Variants in ZFHX2 observed in about 807,000 individuals in gnomAD.
The protein encoded by ZFHX2 is zinc finger homeobox 2.
In ZFHX2, 75 loss-of-function variants were observed where a neutral mutation model predicts 164.8. That is an observed-to-expected ratio of 0.46 (90% CI 0.38 to 0.55). The LOEUF is 0.55. ZFHX2 is among the 20% of genes least tolerant of loss of function. The probability of loss-of-function intolerance (pLI) is 0.00; values close to 1 mark genes in which losing one functional copy is unlikely to be tolerated. For synonymous variants in ZFHX2, 1,217 were observed against 1,351.4 expected (o/e 0.90, Z 2.18); for missense variants, 2,933 against 3,308.0 (o/e 0.89, Z 2.78).
rs1387912413 is a variant in ZFHX2, at chr14:23,551,058, C to G, written c.-50+285G>C. Among the ~76,000 whole-genome samples the G allele has an allele frequency of 6.6e-6, 1 of 152,010 alleles. No individual in the cohort carries two copies. Among genetic ancestry groups the G allele is most frequent in the Non-Finnish European group, 1.5e-5 (1 of 67,984 alleles). On this transcript the variant is annotated intron_variant, in intron 1 of 9. Transcript: ENST00000419474. The surrounding 1 kb of genome is among the most constrained non-coding windows in gnomAD (Gnocchi z 5.3). The stretch of plus-strand genomic sequence containing the variant: ...CTGTCCGGCGGGCCTCTGCCTTTCC[C>G]GTTCCCGTTTCTCCCTCCACCCCCG...
rs1595162335 is a variant in ZFHX2, at chr14:23,533,277, A to G, written c.2041+8T>C. The G allele has an allele frequency of 4.2e-6, 6 of 1,436,172 alleles. No homozygotes were observed. Among genetic ancestry groups the G allele is most frequent in the East Asian group, 2.5e-5 (1 of 40,024 alleles). The allele number at this position is 1,436,172 out of a possible 1,614,324, so 89.0% of individuals were successfully genotyped here. A position where few individuals can be genotyped will look rare whatever the true frequency, so the allele number is the denominator to read the frequency against. ...AGGAGAGAAGAGGGAAGAAGCACAGAAGCTTACCGGATGTGGGGAACTTGC... is the reference window on the plus strand; with the variant it reads ...AGGAGAGAAGAGGGAAGAAGCACAGGAGCTTACCGGATGTGGGGAACTTGC... On this transcript the variant is annotated splice_region_variant and intron_variant, in intron 2 of 9. Transcript: ENST00000419474. This position sits in a 1 kb window ranked among gnomAD's most constrained non-coding sequence, Gnocchi z 4.8.
chr14:23,523,798 C>G lies in ZFHX2; in HGVS notation c.6144G>C (p.Gly2048=), dbSNP rs532472279. The change falls in exon 9 of 10, where the codon GGG becomes GGC. Residue 2048 remains glycine, a synonymous_variant. Coordinates refer to ENST00000419474, the MANE Select transcript of ZFHX2 (RefSeq NM_033400.3). The surrounding 1 kb of genome is among the most constrained non-coding windows in gnomAD (Gnocchi z 4.1). ...LAEPESPGAG[G]TSGGPGGGTG... is the part of the protein sequence containing the mutation. Reference sequence around the variant, plus strand: ...TCCCACCTCCAGGTCCCCCACTGGTCCCTCCAGCCCCAGGGGATTCTGGTT... The same window carrying G: ...TCCCACCTCCAGGTCCCCCACTGGTGCCTCCAGCCCCAGGGGATTCTGGTT... The G allele has an allele frequency of 6.5e-7, 1 of 1,536,240 alleles. No individual in the cohort carries two copies. Among genetic ancestry groups the G allele is most frequent in the East Asian group, 2.4e-5 (1 of 40,904 alleles).
intron 5 of ZFHX2, 125 bp from the exon 6 acceptor site, chr14:23,529,893 G>T: frequency 9.3e-7 from 1 of 1,070,288 alleles, no homozygotes; most frequent in South Asian, 1.4e-5. Context: ...GATAGGTGAG[G>T]CTTGGCAAGG....
intron 1 of ZFHX2, among the ~76,000 whole-genome samples, chr14:23,539,823 C>T (rs1466231818): frequency 6.6e-6 from 1 of 152,192 alleles, no homozygotes; most frequent in African/African-American, 2.4e-5. Flanking sequence ...AAGGAGTTGG[C>T]AGGGCTAATG....
At position 23,529,888 on chromosome 14, in the gene ZFHX2, G is replaced by A. The variant is rs1377724291; in HGVS notation, c.2876-120C>T. ...AAAGGGCAGGAAACTCAGTAGATAG[G>A]TGAGGCTTGGCAAGGGCTGACTCCG... On this transcript the variant is annotated intron_variant, in intron 5 of 9. Coordinates refer to ENST00000419474, the MANE Select transcript of ZFHX2 (RefSeq NM_033400.3). 2.5e-5 allele frequency: 28 copies of A among 1,105,610 alleles called. No individual in the cohort carries two copies. The East Asian group carries it at 5.4e-4, about 21-fold the overall frequency. 68.5% of individuals were successfully genotyped at this position (1,105,610 alleles called of 1,614,324 possible).
chr14:23,523,752 C>T lies in ZFHX2; in HGVS notation c.6190G>A (p.Gly2064Arg), dbSNP rs1428647042. Residue 2064 changes from glycine (G) to arginine (R), a missense_variant, in exon 9 of 10, where the codon GGG becomes AGG. Physicochemically the swap from Gly to Arg is moderately radical, Grantham distance 125. Transcript: ENST00000419474. The surrounding 1 kb of genome is among the most constrained non-coding windows in gnomAD (Gnocchi z 4.1). ...ATCTGGGTCCTGTAGCGCCGCTGCC[C>T]CATTCCATCTGGAACCCCAGTCCCA... ...GGGTGVPDGM[G>R]QRRYRTQMSS... 6.5e-7 allele frequency: 1 copy of T among 1,536,106 alleles called. No individual in the cohort carries two copies. Among genetic ancestry groups the T allele is most frequent in the African/African-American group, 1.4e-5 (1 of 73,026 alleles).
intron 4 of ZFHX2, 64 bp downstream of exon 4, chr14:23,531,417 C>G (rs943995005): frequency 7.4e-7 from 1 of 1,346,386 alleles, no homozygotes; most frequent in Admixed American, 3.2e-5. Context: ...CCGCAGCCCC[C>G]CTGCTCCCCA....
At chr14:23,536,833 A>G (rs1038791536) in intron 1 of ZFHX2, among the ~76,000 whole-genome samples, 2 of 152,104 alleles carry the variant, frequency 1.3e-5, no homozygotes, top group Admixed American at 6.5e-5. Context: ...TGAGACTCCA[A>G]AGGACTAGAA....
rs1183533103 is a variant in ZFHX2, at chr14:23,522,637, A to C, written c.7044T>G (p.Phe2348Leu). ...CTGTTCCCCCAGCAGGGGGCAATGG[A>C]AAGGGCAGGAACTGGCCCCCCAACA... is the stretch of plus-strand genomic sequence containing the variant. The part of the protein sequence containing the change: ...PALLGGQFLP[F>L]PLPPAGGTAP... The change falls in exon 10 of 10, where the codon TTT becomes TTG. Residue 2348 changes from phenylalanine to leucine, a missense_variant. By Grantham distance (22) the Phe-to-Leu change is conservative. Coordinates refer to ENST00000419474, the MANE Select transcript of ZFHX2 (RefSeq NM_033400.3). 6.5e-7 allele frequency: 1 copy of C among 1,535,200 alleles called. No individual in the cohort carries two copies. Among genetic ancestry groups the C allele is most frequent in the African/African-American group, 1.4e-5 (1 of 72,996 alleles).
chr14:23,545,456 C>T (rs1881293271), intron 1 of ZFHX2, among the ~76,000 whole-genome samples: 1 of 152,182 alleles, frequency 6.6e-6, no homozygotes. Flanking sequence ...TAAATTGTGG[C>T]CATCTCTCTG....
chr14:23,552,857 C>T (rs565023016), upstream of ZFHX2, among the ~76,000 whole-genome samples: 53 of 152,310 alleles, frequency 3.5e-4, no homozygotes, highest in Admixed American at 2.1e-3. Context: ...CGGCCTCAGC[C>T]TCCCAAAGTC....
Position 23,524,642 on chromosome 14 carries a change from G to A in ZFHX2, c.5300C>T (p.Pro1767Leu). ...GGCACACTGGTCACAGGTATGGGCTGGGGAAGGTGATGGAGTAGCCTTCTC... is the reference window on the plus strand; with the variant it reads ...GGCACACTGGTCACAGGTATGGGCTAGGGAAGGTGATGGAGTAGCCTTCTC... ...PEEKATPSPS[P>L]AHTCDQCAIS... is the part of the protein sequence containing the mutation. The change falls in exon 9 of 10, where the codon CCA (proline) becomes CTA (leucine). Residue 1767 changes from proline to leucine, a missense_variant. Physicochemically the swap from Pro to Leu is moderately conservative, Grantham distance 98. Transcript: ENST00000419474. The surrounding 1 kb of genome is among the most constrained non-coding windows in gnomAD (Gnocchi z 5.6). 1 of 1,536,416 alleles carries A rather than the reference G, an allele frequency of 6.5e-7. No individual in the cohort carries two copies. Among genetic ancestry groups the A allele is most frequent in the Non-Finnish European group, 8.7e-7 (1 of 1,146,926 alleles).
chr14:23,528,692 TTTCTTTTTCCTTC>T (rs1291783902), intron 6 of ZFHX2: 4 of 985,292 alleles, frequency 4.1e-6, no homozygotes, highest in African/African-American at 1.7e-5. Flanking sequence ...ATTTTCCATC[TTTCTTTTTCCTTC>T]TTCTTTTTCC....
chr14:23,550,086 T>C (rs1881799847), intron 1 of ZFHX2, among the ~76,000 whole-genome samples: 1 of 151,306 alleles, frequency 6.6e-6, no homozygotes, highest in African/African-American at 2.4e-5. Flanking sequence ...AGGGAAGAGG[T>C]TTTGTTGTGC....
At chr14:23,543,349 T>C (rs187232845) in intron 1 of ZFHX2, 54 of 152,362 alleles carry the variant, frequency 3.5e-4, no homozygotes, top group African/African-American at 1.3e-3. Context: ...AGAGTTGAGA[T>C]TGGAACTCAG....
At position 23,533,439 on chromosome 14, in the gene ZFHX2, AG is replaced by A; in HGVS notation, c.1886del (p.Pro629LeufsTer12). 2 of 1,531,146 alleles carry A rather than the reference AG, an allele frequency of 1.3e-6. No individual in the cohort carries two copies. Among genetic ancestry groups the A allele is most frequent in the South Asian group, 1.2e-5 (1 of 83,596 alleles). The allele number at this position is 1,531,146 out of a possible 1,614,324, so 94.8% of individuals were successfully genotyped here. A position where few individuals can be genotyped will look rare whatever the true frequency, so the allele number is the denominator to read the frequency against. ...GGGGCCCAAAGTACTGGAAGAGTTCAGGGGGGCTAGTGGGGGTAGCCCCTGG... is the reference window on the plus strand; with the variant it reads ...GGGGCCCAAAGTACTGGAAGAGTTCAGGGGGCTAGTGGGGGTAGCCCCTGG... ...PPPGATPTSP[P>X]ELFQYFGPQA... On this transcript the variant is annotated frameshift_variant, in exon 2 of 10. Transcript: ENST00000419474. LOFTEE classifies it high-confidence loss of function. The surrounding 1 kb of genome is among the most constrained non-coding windows in gnomAD (Gnocchi z 4.8).
chr14:23,555,305 A>T (rs1049086632), upstream of ZFHX2, among the ~76,000 whole-genome samples: 14 of 152,086 alleles, frequency 9.2e-5, no homozygotes, highest in Admixed American at 9.2e-4. Context: ...GCCTTTCTGT[A>T]TTCTAAATGA....
chr14:23,539,303 C>T (rs1880531105), intron 1 of ZFHX2, among the ~76,000 whole-genome samples: 1 of 152,174 alleles, frequency 6.6e-6, no homozygotes, highest in African/African-American at 2.4e-5. Flanking sequence ...ACTTTCAAGG[C>T]TCAGCCAGGG....
chr14:23,539,997 T>G (rs1880621389), intron 1 of ZFHX2, among the ~76,000 whole-genome samples: 1 of 152,220 alleles, frequency 6.6e-6, no homozygotes, highest in Non-Finnish European at 1.5e-5. Context: ...CAGTTGTTTT[T>G]CATTTTTTGA....
Sources: allele counts gnomAD v4.1 joint callset (sites outside exome capture counted in the v4.1 genomes callset), GRCh38; gene constraint gnomAD v4.1.1; non-coding constraint Gnocchi (gnomAD v3.1); transcripts MANE v1.5; gene names NCBI Gene and HGNC (gene_info 2026-07-23, HGNC 2026-07-21).